TMEM135: variants seen among roughly 807,000 people sequenced by gnomAD.
TMEM135 encodes the protein peroxisomal membrane protein 52.
TMEM135 carries 30 observed loss-of-function variants against 60.3 expected under a neutral mutation model. The observed-to-expected ratio is 0.50, with a 90% CI of 0.37 to 0.68. TMEM135 has a LOEUF of 0.68. Among genes scored for constraint, TMEM135 ranks in the 30% least tolerant of loss-of-function variants. The probability of loss-of-function intolerance (pLI) is 0.00; values close to 1 mark genes in which losing one functional copy is unlikely to be tolerated. For synonymous variants in TMEM135, 190 were observed against 186.7 expected (o/e 1.02, Z -0.14); for missense variants, 468 against 548.8 (o/e 0.85, Z 1.47).
chr11:87,231,758 T>G (rs2135368416), intron 5 of TMEM135, among the ~76,000 whole-genome samples: 1 of 152,192 alleles, frequency 6.6e-6, no homozygotes, highest in South Asian at 2.1e-4. Context: ...AATTTTATAG[T>G]TTCAAAAAGT....
intron 4 of TMEM135, among the ~76,000 whole-genome samples, chr11:87,111,376 T>G (rs35666829): frequency 0.55 from 83,138 of 151,598 alleles, 23,609 homozygotes; most frequent in East Asian, 0.71. Flanking sequence ...AGCCTGGCGC[T>G]GTGGCTCACG....
intron 5 of TMEM135, among the ~76,000 whole-genome samples, chr11:87,202,639 G>A (rs941003502): frequency 2.0e-5 from 3 of 151,550 alleles, no homozygotes; most frequent in African/African-American, 7.3e-5. Flanking sequence ...TTTATATTAT[G>A]TAGGTGTGTA....
chr11:87,047,575 G>A (rs1433331739), intron 1 of TMEM135, among the ~76,000 whole-genome samples: 3 of 77,396 alleles, frequency 3.9e-5, no homozygotes, highest in African/African-American at 3.2e-4. Flanking sequence ...GGAAAATCGG[G>A]TCACTCCCAC....
intron 6 of TMEM135, among the ~76,000 whole-genome samples, chr11:87,271,556 G>T (rs1162440479): frequency 4.1e-4 from 4 of 9,850 alleles, no homozygotes; most frequent in East Asian, 4.3e-3. Context: ...TATGGATAAA[G>T]AATGCAAATA....
chr11:87,148,536 A>G (rs1462062321), intron 4 of TMEM135, among the ~76,000 whole-genome samples: 2 of 152,204 alleles, frequency 1.3e-5, no homozygotes, highest in African/African-American at 2.4e-5. Context: ...GAAATAATGT[A>G]CTTTGATCTG....
At chr11:87,120,459 TGA>T (rs1289578965) in intron 4 of TMEM135, among the ~76,000 whole-genome samples, 1 of 143,502 alleles carries the variant, frequency 7.0e-6, no homozygotes, top group African/African-American at 2.6e-5. Flanking sequence ...AAATATAGCA[TGA>T]GATGAAATTT....
At chr11:87,071,218 T>C (rs560387905) in intron 2 of TMEM135, among the ~76,000 whole-genome samples, 4 of 152,114 alleles carry the variant, frequency 2.6e-5, no homozygotes, top group Non-Finnish European at 5.9e-5. Context: ...AAAGATAAAT[T>C]GCATCTGTAA....
At chr11:87,320,275 CAGTT>C (rs773016681) in intron 14 of TMEM135, among the ~76,000 whole-genome samples, 1 of 152,242 alleles carries the variant, frequency 6.6e-6, no homozygotes, top group South Asian at 2.1e-4. Flanking sequence ...CAGAGTCACT[CAGTT>C]AGTAAATGAA....
At chr11:87,245,146 T>A (rs1450821347) in intron 6 of TMEM135, among the ~76,000 whole-genome samples, 3 of 146,616 alleles carry the variant, frequency 2.0e-5, no homozygotes, top group African/African-American at 7.6e-5. Flanking sequence ...TCAGTTTCCA[T>A]GTAGTTGAGC....
At chr11:87,137,413 G>A (rs1438792670) in intron 4 of TMEM135, among the ~76,000 whole-genome samples, 3 of 152,112 alleles carry the variant, frequency 2.0e-5, no homozygotes, top group African/African-American at 7.2e-5. Flanking sequence ...GAAGACGAAT[G>A]TTGTATACTC....
intron 6 of TMEM135, among the ~76,000 whole-genome samples, chr11:87,247,367 C>G (rs1941306290): frequency 1.3e-5 from 2 of 152,194 alleles, no homozygotes; most frequent in Admixed American, 6.5e-5. Flanking sequence ...GCTGGGAGAA[C>G]CACTACTGTC....
At chr11:87,139,369 T>A (rs1363738862) in intron 4 of TMEM135, among the ~76,000 whole-genome samples, 1 of 152,178 alleles carries the variant, frequency 6.6e-6, no homozygotes, top group African/African-American at 2.4e-5. Context: ...ATGTTTATAG[T>A]CATGTGACTA....
intron 4 of TMEM135, among the ~76,000 whole-genome samples, chr11:87,148,455 A>G (rs960412065): frequency 1.3e-5 from 2 of 152,206 alleles, no homozygotes; most frequent in African/African-American, 4.8e-5. Context: ...TGAATTTGGT[A>G]TTCTTCTTCT....
At chr11:87,068,693 C>T (rs1404017596) in intron 2 of TMEM135, among the ~76,000 whole-genome samples, 2 of 151,246 alleles carry the variant, frequency 1.3e-5, no homozygotes, top group African/African-American at 2.4e-5. Flanking sequence ...CGCCTGTAGT[C>T]GCAGCTACTC....
intron 5 of TMEM135, among the ~76,000 whole-genome samples, chr11:87,199,375 T>G (rs1940042461): frequency 6.6e-6 from 1 of 152,188 alleles, no homozygotes; most frequent in Non-Finnish European, 1.5e-5. Flanking sequence ...CAAGTGCAGC[T>G]GCAAGATTAA....
intron 7 of TMEM135, 67 bp from the exon 8 acceptor site, chr11:87,302,229 G>A: frequency 2.0e-6 from 3 of 1,511,666 alleles, no homozygotes; most frequent in Non-Finnish European, 2.7e-6. Flanking sequence ...TATAAACAAA[G>A]TCTTTTTTTT....
In TMEM135 at chr11:87,038,151, G is replaced by A. The variant is rs756549239; in HGVS notation, c.106G>A (p.Glu36Lys). 13 of 1,614,076 alleles carry A rather than the reference G, an allele frequency of 8.1e-6. No homozygotes were observed. Among genetic ancestry groups the A allele is most frequent in the Non-Finnish European group, 1.1e-5 (13 of 1,180,016 alleles). ...CCTGCAGATCACCGGGGGCGCCCTG[G>A]AGGAGTCCCTGAAGATCTATGCTCC... is the stretch of plus-strand genomic sequence containing the variant. ...SFLQITGGAL[E>K]ESLKIYAPLY... is the part of the protein sequence containing the mutation. Residue 36 changes from glutamate (E) to lysine (K), a missense_variant, in exon 1 of 15, where the codon GAG becomes AAG. Transcript: ENST00000305494.
At chr11:87,084,372 A>G (rs1857053271) in intron 3 of TMEM135, among the ~76,000 whole-genome samples, 1 of 151,750 alleles carries the variant, frequency 6.6e-6, no homozygotes, top group South Asian at 2.1e-4. Context: ...CAGTGGTACA[A>G]TCATAGCTCA....
chr11:87,053,445 A>G (rs1949861099), intron 1 of TMEM135, among the ~76,000 whole-genome samples: 1 of 152,154 alleles, frequency 6.6e-6, no homozygotes, highest in South Asian at 2.1e-4. Context: ...TTGATCGTTT[A>G]TTTATTATCA....
Sources: allele counts gnomAD v4.1 joint callset (sites outside exome capture counted in the v4.1 genomes callset), GRCh38; gene constraint gnomAD v4.1.1; transcripts MANE v1.5; gene names NCBI Gene and HGNC (gene_info 2026-07-23, HGNC 2026-07-21).